KIF15: variants seen among roughly 807,000 people sequenced by gnomAD.
KIF15 encodes the protein kinesin family member 15.
KIF15 carries 140 observed loss-of-function variants against 190.6 expected under a neutral mutation model. That is an observed-to-expected ratio of 0.73 (90% CI 0.64 to 0.84). The LOEUF (loss-of-function observed/expected upper bound fraction) is 0.84, where lower values mean the gene tolerates loss of function less well. Among genes scored for constraint, KIF15 ranks in the 40% least tolerant of loss-of-function variants. The probability of loss-of-function intolerance (pLI) is 0.00; values close to 1 mark genes in which losing one functional copy is unlikely to be tolerated. For synonymous variants in KIF15, 528 were observed against 551.3 expected (o/e 0.96, Z 0.59); for missense variants, 1,372 against 1,584.4 (o/e 0.87, Z 2.28).
chr3:44,863,298 G>GCCCCCC (rs1283761339), intron 6 of KIF15: 2 of 38,778 alleles, frequency 5.2e-5, no homozygotes, highest in African/African-American at 6.5e-5. Flanking sequence ...TTTAGATTCC[G>GCCCCCC]CACCCCCCCC....
At chr3:44,778,050 G>T in intron 3 of KIF15, 65 bp from the exon 4 acceptor site, 1 of 1,359,356 alleles carries the variant, frequency 7.4e-7, no homozygotes, top group Non-Finnish European at 1.1e-6. Context: ...TTACATTGTA[G>T]AATGCAATTT....
At chr3:44,848,130 T>C in intron 31 of KIF15, 73 bp downstream of exon 31, 2 of 909,158 alleles carry the variant, frequency 2.2e-6, no homozygotes, top group Non-Finnish European at 3.4e-6. Flanking sequence ...TATGGTAGTA[T>C]ATTTTAGAAA....
At chr3:44,788,782 T>C (rs1468887901) in intron 7 of KIF15, among the ~76,000 whole-genome samples, 2 of 152,228 alleles carry the variant, frequency 1.3e-5, no homozygotes, top group African/African-American at 4.8e-5. Flanking sequence ...CAATGTTACT[T>C]GTTTTCTGAA....
chr3:44,826,562 T>C, intron 22 of KIF15, 102 bp downstream of exon 22: 1 of 783,212 alleles, frequency 1.3e-6, no homozygotes, highest in South Asian at 2.2e-5. Context: ...TAAAGAGTTA[T>C]TTTTTTAAAG....
chr3:44,797,402 T>C (rs558287560), intron 8 of KIF15, 149 bp from the exon 9 acceptor site: 1 of 737,190 alleles, frequency 1.4e-6, no homozygotes, highest in South Asian at 1.9e-5. Context: ...AGCACTTCTT[T>C]TTTATTTGTT....
At chr3:44,851,740 G>T (rs1233996976) in intron 32 of KIF15, 47 bp from the exon 33 acceptor site, 1 of 1,496,080 alleles carries the variant, frequency 6.7e-7, no homozygotes, top group Non-Finnish European at 9.1e-7. Context: ...ACTGTTTTAT[G>T]ATTATGTTTC....
intron 6 of KIF15, among the ~76,000 whole-genome samples, chr3:44,861,149 G>A (rs1244786987): frequency 6.6e-6 from 1 of 152,046 alleles, no homozygotes; most frequent in African/African-American, 2.4e-5. Context: ...GCACCACCAC[G>A]CCCGGCTAAT....
intron 6 of KIF15, among the ~76,000 whole-genome samples, chr3:44,866,070 G>T (rs1411402546): frequency 5.3e-5 from 7 of 131,458 alleles, no homozygotes; most frequent in South Asian, 3.1e-4. Flanking sequence ...TTGTTTTTTT[G>T]TTTTTTTGGG....
At chr3:44,831,297 C>T (rs903075627) in intron 26 of KIF15, among the ~76,000 whole-genome samples, 2 of 152,100 alleles carry the variant, frequency 1.3e-5, no homozygotes, top group African/African-American at 4.8e-5. Context: ...CATATACTGT[C>T]TCCTTTGAGG....
At chr3:44,864,154 C>T (rs1313278104) in intron 6 of KIF15, 1 of 1,610,494 alleles carries the variant, frequency 6.2e-7, no homozygotes, top group Non-Finnish European at 8.5e-7. Context: ...CTGCAGGTTG[C>T]TGCCCAGGGT....
At chr3:44,859,338 C>T (rs1308394666) in intron 6 of KIF15, among the ~76,000 whole-genome samples, 1 of 152,120 alleles carries the variant, frequency 6.6e-6, no homozygotes, top group Admixed American at 6.6e-5. Context: ...TAATTAGGTC[C>T]TGTTGTGGGT....
rs535862337 is a variant in KIF15 at position 44,796,732 on chromosome 3, T to C, written c.850-819T>C. Among the ~76,000 whole-genome samples, 3 of 152,226 alleles carry C rather than the reference T, an allele frequency of 2.0e-5. 1 individual carries two copies. Among genetic ancestry groups the C allele is most frequent in the African/African-American group, 7.2e-5 (3 of 41,566 alleles). Reference sequence around the variant, plus strand: ...ATCTAATGTAACGTATTTAGCTCATTTTTTCCCCCCACCAAGCTTCTGTTT... The same window carrying C: ...ATCTAATGTAACGTATTTAGCTCATCTTTTCCCCCCACCAAGCTTCTGTTT... On this transcript the variant is annotated intron_variant, in intron 8 of 34. Transcript: ENST00000326047.
rs779267526 is a variant in KIF15 at position 44,830,084 on chromosome 3, G to A, written c.3048+9G>A. On this transcript the variant is annotated intron_variant, in intron 25 of 34. Coordinates refer to ENST00000326047, the MANE Select transcript of KIF15 (RefSeq NM_020242.3). ...AACTGAAGGACATAAATGTAAGTTC[G>A]GTCACCAACAAGATGTTAAATTTGA... 1.4e-5 allele frequency: 21 copies of A among 1,480,760 alleles called. No individual in the cohort carries two copies. The highest frequency in any genetic ancestry group is 1.8e-4 in the Middle Eastern group (1 of 5,658). 91.7% of individuals were successfully genotyped at this position (1,480,760 alleles called of 1,614,324 possible).
chr3:44,850,297 A>G (rs764041079), intron 32 of KIF15, among the ~76,000 whole-genome samples: 7 of 152,226 alleles, frequency 4.6e-5, no homozygotes, highest in Non-Finnish European at 1.0e-4. Flanking sequence ...TGAGCCATTC[A>G]GAGTCCGGCT....
chr3:44,814,820 C>A, intron 19 of KIF15, 91 bp from the exon 20 acceptor site: 1 of 997,192 alleles, frequency 1.0e-6, no homozygotes, highest in Non-Finnish European at 1.4e-6. Flanking sequence ...GTCTCTTCGA[C>A]TTGATTTTGC....
At position 44,801,488 on chromosome 3, in the gene KIF15, G is replaced by T; in HGVS notation, c.1261G>T (p.Ala421Ser). The change falls in exon 12 of 35, where the codon GCA becomes TCA. Residue 421 changes from alanine to serine, a missense_variant. Transcript: ENST00000326047. ...TAACTATATGGAGTATTTCCAGGAA[G>T]CAATGTTATTCTTTAAGAAATCTGA... ...KTNYMEYFQE[A>S]MLFFKKSEQE... 1 of 1,575,488 alleles carries T rather than the reference G, an allele frequency of 6.3e-7. No homozygotes were observed. The highest frequency in any genetic ancestry group is 8.7e-7 in the Non-Finnish European group (1 of 1,145,470).
chr3:44,775,184 G>A, intron 2 of KIF15, 70 bp from the exon 3 acceptor site: 3 of 1,234,624 alleles, frequency 2.4e-6, no homozygotes, highest in Non-Finnish European at 3.5e-6. Flanking sequence ...TAGGCAATAT[G>A]AGACTTGGAT....
At chr3:44,775,229 GT>G in intron 2 of KIF15, 24 bp from the exon 3 acceptor site, 1 of 1,592,868 alleles carries the variant, frequency 6.3e-7, no homozygotes, top group Non-Finnish European at 8.6e-7. Context: ...AAACTGAACT[GT>G]TACTTTCTTT....
At chr3:44,866,723 CCTT>C (rs1157666956) in intron 6 of KIF15, among the ~76,000 whole-genome samples, 1 of 152,208 alleles carries the variant, frequency 6.6e-6, no homozygotes, top group Non-Finnish European at 1.5e-5. Flanking sequence ...TTCCACGGCT[CCTT>C]CTGATGGGGA....
Sources: allele counts gnomAD v4.1 joint callset (sites outside exome capture counted in the v4.1 genomes callset), GRCh38; gene constraint gnomAD v4.1.1; transcripts MANE v1.5; gene names NCBI Gene and HGNC (gene_info 2026-07-23, HGNC 2026-07-21).